The following SLC41A2 variants were observed in gnomAD, a reference collection of about 807,000 sequenced individuals.
SLC41A2 encodes solute carrier family 41 member 2, also known as SLC41A1-like 1.
A neutral mutation model predicts 58.3 loss-of-function variants in SLC41A2; 32 were observed. The ratio of observed to expected loss-of-function variants is 0.55; its 90% CI spans 0.41 to 0.74. SLC41A2 has a LOEUF of 0.74. Ranked by LOEUF, SLC41A2 falls within the 30% of genes least tolerant of loss-of-function variation. The probability of loss-of-function intolerance (pLI) is 0.00; values close to 1 mark genes in which losing one functional copy is unlikely to be tolerated. For missense variants in SLC41A2, 514 were observed against 680.6 expected (o/e 0.76, Z 2.72); for synonymous variants, 190 against 235.0 (o/e 0.81, Z 1.75).
chr12:104,936,515 C>T (rs7303898), intron 1 of SLC41A2, among the ~76,000 whole-genome samples: 16,091 of 152,138 alleles, frequency 0.11, 1,419 homozygotes, highest in East Asian at 0.25. Flanking sequence ...CTCACAATCA[C>T]GGCAGAAGGC....
chr12:104,903,807 CT>C (rs2045675752), intron 3 of SLC41A2, among the ~76,000 whole-genome samples: 1 of 152,312 alleles, frequency 6.6e-6, no homozygotes, highest in African/African-American at 2.4e-5. Context: ...AGCTCTACCC[CT>C]ACCTCTCTAA....
chr12:104,853,872 T>C (rs2042898614), intron 8 of SLC41A2, among the ~76,000 whole-genome samples: 1 of 146,046 alleles, frequency 6.8e-6, no homozygotes, highest in African/African-American at 2.5e-5. Context: ...GCCTCCCAAG[T>C]AGATAGGACT....
intron 10 of SLC41A2, among the ~76,000 whole-genome samples, chr12:104,837,878 A>C (rs878935640): frequency 6.6e-6 from 1 of 152,272 alleles, no homozygotes; most frequent in Admixed American, 6.5e-5. Context: ...TAGGGGAAAA[A>C]TAAGGTTACA....
At chr12:104,847,548 T>A (rs916401694) in intron 8 of SLC41A2, among the ~76,000 whole-genome samples, 3 of 141,510 alleles carry the variant, frequency 2.1e-5, no homozygotes, top group African/African-American at 8.1e-5. Flanking sequence ...GAGGTTGCAG[T>A]GAGCTGAGAT....
At chr12:104,831,857 G>A (rs542748256) in intron 10 of SLC41A2, among the ~76,000 whole-genome samples, 101 of 152,224 alleles carry the variant, frequency 6.6e-4, no homozygotes, top group Non-Finnish European at 9.9e-4. Context: ...TATCAGAATC[G>A]AAATGAAGAA....
chr12:104,898,507 A>T (rs2045403382), intron 3 of SLC41A2, among the ~76,000 whole-genome samples: 1 of 151,702 alleles, frequency 6.6e-6, no homozygotes. Flanking sequence ...GTCTCCATTC[A>T]TGCATTATTT....
chr12:104,805,811 A>G (rs1264190418), intron 10 of SLC41A2, among the ~76,000 whole-genome samples: 1 of 152,206 alleles, frequency 6.6e-6, no homozygotes, highest in African/African-American at 2.4e-5. Flanking sequence ...GGAAAATTTC[A>G]GTGCAGTAGT....
At chr12:104,918,485 AC>A (rs1179972976) in intron 2 of SLC41A2, among the ~76,000 whole-genome samples, 2 of 152,174 alleles carry the variant, frequency 1.3e-5, no homozygotes, top group Non-Finnish European at 2.9e-5. Context: ...ATCTGTGTGT[AC>A]CTACAGTGAA....
intron 8 of SLC41A2, among the ~76,000 whole-genome samples, chr12:104,860,189 G>A (rs780863910): frequency 2.7e-4 from 41 of 151,990 alleles, no homozygotes; most frequent in Non-Finnish European, 5.7e-4. Context: ...GTTCAACAAT[G>A]AGAACACATG....
At chr12:104,905,126 A>C (rs2045768140) in intron 3 of SLC41A2, among the ~76,000 whole-genome samples, 2 of 151,934 alleles carry the variant, frequency 1.3e-5, no homozygotes, top group South Asian at 4.2e-4. Context: ...TTCCACACAC[A>C]GGTTCTCCAA....
chr12:104,854,566 A>G (rs949426913), intron 8 of SLC41A2, among the ~76,000 whole-genome samples: 1 of 104,572 alleles, frequency 9.6e-6, no homozygotes, highest in Non-Finnish European at 2.2e-5. Context: ...CCGTCTCAAA[A>G]AAACAAAAAA....
Position 104,928,590 on chromosome 12 carries a change from A to T in SLC41A2, c.-63T>A. The T allele has an allele frequency of 1.9e-6, 2 of 1,042,252 alleles. No individual in the cohort carries two copies. Among genetic ancestry groups the T allele is most frequent in the Non-Finnish European group, 2.6e-6 (2 of 757,208 alleles). 64.6% of individuals were successfully genotyped at this position (1,042,252 alleles called of 1,614,324 possible). A position where few individuals can be genotyped will look rare whatever the true frequency, so the allele number is the denominator to read the frequency against. ...AAGCTTCGGGAACCACAGCAGATGA[A>T]TCAGAACCGCACAAACACTGGTTTA... On this transcript the variant is annotated 5_prime_UTR_variant, in exon 2 of 11. Transcript: ENST00000258538.
chr12:104,936,261 C>T (rs1022386132), intron 1 of SLC41A2, among the ~76,000 whole-genome samples: 1 of 152,102 alleles, frequency 6.6e-6, no homozygotes, highest in African/African-American at 2.4e-5. Context: ...ATTTACTATA[C>T]TATACTTTTT....
intron 10 of SLC41A2, among the ~76,000 whole-genome samples, chr12:104,834,419 C>G (rs2042140340): frequency 6.6e-6 from 1 of 152,150 alleles, no homozygotes; most frequent in African/African-American, 2.4e-5. Flanking sequence ...TATAGGCCCT[C>G]CCTTCATATC....
In SLC41A2 at chr12:104,903,487, T is replaced by C. The variant is rs181433406; in HGVS notation, c.663+6168A>G. On this transcript the variant is annotated intron_variant, in intron 3 of 10. Transcript: ENST00000258538. ...GTGTATCAGAATCATCTGGAGAGTGTGTTAAAATTTAGATTGCTGAGCCAC... is the reference window on the plus strand; with the variant it reads ...GTGTATCAGAATCATCTGGAGAGTGCGTTAAAATTTAGATTGCTGAGCCAC... 2.6e-5 allele frequency among the ~76,000 whole-genome samples: 4 copies of C among 152,200 alleles called. No individual in the cohort carries two copies. The East Asian group carries it at 7.7e-4, about 29-fold the overall frequency.
At chr12:104,957,477 C>T (rs2048211029) in intron 1 of SLC41A2, among the ~76,000 whole-genome samples, 1 of 152,068 alleles carries the variant, frequency 6.6e-6, no homozygotes, top group African/African-American at 2.4e-5. Context: ...ATATTAAAAG[C>T]CACACTTTAG....
chr12:104,830,259 C>A (rs2041993949), intron 10 of SLC41A2, among the ~76,000 whole-genome samples: 1 of 152,158 alleles, frequency 6.6e-6, no homozygotes, highest in South Asian at 2.1e-4. Context: ...CTGCAGATAG[C>A]AAAATCCATG....
chr12:104,919,654 A>ACTG (rs2046498444), intron 2 of SLC41A2, among the ~76,000 whole-genome samples: 1 of 152,062 alleles, frequency 6.6e-6, no homozygotes, highest in African/African-American at 2.4e-5. Flanking sequence ...TCTTCAGTGA[A>ACTG]CTGCTCTGGG....
intron 10 of SLC41A2, among the ~76,000 whole-genome samples, chr12:104,811,535 G>A (rs774269673): frequency 3.3e-5 from 5 of 152,134 alleles, no homozygotes; most frequent in Non-Finnish European, 7.4e-5. Flanking sequence ...CTGTTAGGGA[G>A]GGATGAAATG....
Sources: gnomAD v4.1 joint callset for allele counts (sites outside exome capture counted in the v4.1 genomes callset) on GRCh38, gnomAD v4.1.1 for gene constraint, MANE v1.5 for transcripts, NCBI Gene and HGNC (gene_info 2026-07-23, HGNC 2026-07-21) for gene names.